HAAO: variants seen among roughly 807,000 people sequenced by gnomAD.
The protein encoded by HAAO is 3-hydroxyanthranilate oxygenase.
HAAO carries 49 observed loss-of-function variants against 46.2 expected under a neutral mutation model. The ratio of observed to expected loss-of-function variants is 1.06; its 90% CI spans 0.84 to 1.34. The LOEUF is 1.34. HAAO is among the 40% of genes most tolerant of loss of function. The pLI, the probability that HAAO is intolerant of heterozygous loss-of-function variation, is 0.00. For missense variants in HAAO, 408 were observed against 364.5 expected, an observed-to-expected ratio of 1.12 and a Z score of -0.97; for synonymous variants, 157 against 145.2, an observed-to-expected ratio of 1.08 and a Z score of -0.58.
At chr2:42,772,062 CTA>C (rs1366761449) in intron 4 of HAAO, among the ~76,000 whole-genome samples, 1 of 152,222 alleles carries the variant, frequency 6.6e-6, no homozygotes, top group Non-Finnish European at 1.5e-5. Context: ...ATCAGACTCA[CTA>C]TATTAAAGTC....
intron 4 of HAAO, among the ~76,000 whole-genome samples, chr2:42,779,852 G>T (rs1558668401): frequency 6.6e-6 from 1 of 152,110 alleles, no homozygotes; most frequent in African/African-American, 2.4e-5. Flanking sequence ...GTTCCCTAAA[G>T]TCCCAAAATG....
chr2:42,771,779 A>G lies in HAAO; in HGVS notation c.351-1197T>C, dbSNP rs912816062. Among the ~76,000 whole-genome samples, 11 of 152,264 alleles carry G rather than the reference A, an allele frequency of 7.2e-5. No homozygotes were observed. The East Asian group carries it at 2.1e-3, about 29-fold the overall frequency. ...CAAGCCCAGCTCCTGGGCCCAGGCC[A>G]GCTCTGTCTGCTCTTAAAAGAGATG... On this transcript the variant is annotated intron_variant, in intron 4 of 9. Transcript: ENST00000294973.
intron 6 of HAAO, 27 bp from the exon 7 acceptor site, chr2:42,769,885 G>A: frequency 1.9e-6 from 3 of 1,587,108 alleles, no homozygotes; most frequent in Non-Finnish European, 2.6e-6. Flanking sequence ...ACTATAGTCG[G>A]TGTCCTCAGG....
intron 1 of HAAO, among the ~76,000 whole-genome samples, chr2:42,790,658 A>T (rs1672726872): frequency 6.6e-6 from 1 of 151,846 alleles, no homozygotes; most frequent in Admixed American, 6.6e-5. Flanking sequence ...CGGCCTCCTG[A>T]GTAGCTGGGA....
At chr2:42,770,417 G>C (rs1416757539) in intron 5 of HAAO, 76 bp downstream of exon 5, 1 of 1,133,808 alleles carries the variant, frequency 8.8e-7, no homozygotes, top group African/African-American at 1.6e-5. Context: ...TGGGAGGGGA[G>C]ACTTTCTCCC....
Position 42,769,766 on chromosome 2 carries a change from C to CCAGGCAT in HAAO, c.576_577insATGCCTG (p.Glu193MetfsTer18), listed in dbSNP as rs1246612598. The CCAGGCAT allele has an allele frequency of 1.2e-6, 2 of 1,613,942 alleles. No individual in the cohort carries two copies. The highest frequency in any genetic ancestry group is 3.3e-5 in the Admixed American group (2 of 59,970). ...CTGAGTGGTGTGCCTGCCTGCAGCT[C>CCAGGCAT]CCTGTGGTGGCTGTCCAGCCAGGCA... On this transcript the variant is annotated frameshift_variant, in exon 7 of 10. Transcript: ENST00000294973. LOFTEE classifies it high-confidence loss of function.
chr2:42,769,631 GA>G, intron 7 of HAAO, 81 bp downstream of exon 7: 1 of 1,108,858 alleles, frequency 9.0e-7, no homozygotes, highest in Non-Finnish European at 1.3e-6. Context: ...GAGAGAGAGA[GA>G]GAGGCAGTGA....
At chr2:42,784,436 G>A (rs1672242377) in intron 2 of HAAO, among the ~76,000 whole-genome samples, 1 of 150,822 alleles carries the variant, frequency 6.6e-6, no homozygotes, top group Non-Finnish European at 1.5e-5. Flanking sequence ...CAAGGGGTGG[G>A]GCTGTGGAGG....
chr2:42,785,389 C>A (rs1247389893), intron 2 of HAAO, among the ~76,000 whole-genome samples: 2 of 152,134 alleles, frequency 1.3e-5, no homozygotes, highest in African/African-American at 4.8e-5. Flanking sequence ...ATGGAAAATG[C>A]TAAAGTTACG....
chr2:42,783,328 C>G lies in HAAO; in HGVS notation c.336G>C (p.Glu112Asp), dbSNP rs757166545. The G allele has an allele frequency of 1.9e-6, 3 of 1,608,970 alleles. No individual in the cohort carries two copies. The highest frequency in any genetic ancestry group is 2.6e-6 in the Non-Finnish European group (3 of 1,176,222). The change falls in exon 4 of 10, where the codon GAG (glutamate) becomes GAC (aspartate). Residue 112 changes from glutamate (E) to aspartate (D), a missense_variant. By Grantham distance (45) the Glu-to-Asp change is conservative. Coordinates refer to ENST00000294973, the MANE Select transcript of HAAO (RefSeq NM_012205.3). ...ACAGAATTTACCTGAGCCCATCTAG[C>G]TCGGTCTCCAGCCGCCTTCGCTCAA... is the stretch of plus-strand genomic sequence containing the variant. ...LVVERRRLET[E>D]LDGLRYYVGD...
At chr2:42,779,629 T>G (rs934468223) in intron 4 of HAAO, among the ~76,000 whole-genome samples, 1 of 152,230 alleles carries the variant, frequency 6.6e-6, no homozygotes, top group Admixed American at 6.5e-5. Context: ...TTCATGCTAT[T>G]TTTATTAGAG....
intron 4 of HAAO, among the ~76,000 whole-genome samples, chr2:42,770,977 T>C (rs1671069584): frequency 6.6e-6 from 1 of 152,234 alleles, no homozygotes; most frequent in Non-Finnish European, 1.5e-5. Flanking sequence ...ATCGCAGTTC[T>C]TTTGTTTTTC....
intron 4 of HAAO, among the ~76,000 whole-genome samples, chr2:42,775,286 G>A (rs965702704): frequency 2.6e-5 from 4 of 151,476 alleles, no homozygotes; most frequent in African/African-American, 9.7e-5. Context: ...CTGGTGGGGG[G>A]AGAAAAAAGG....
intron 2 of HAAO, among the ~76,000 whole-genome samples, chr2:42,785,345 T>G (rs1188441164): frequency 1.3e-5 from 2 of 152,214 alleles, no homozygotes; most frequent in African/African-American, 4.8e-5. Flanking sequence ...CATTAAAAAC[T>G]ACGTTTTTGA....
chr2:42,767,883 C>T lies in HAAO; in HGVS notation c.676G>A (p.Val226Met). 1 of 1,614,092 alleles carries T rather than the reference C, an allele frequency of 6.2e-7. No homozygotes were observed. The highest frequency in any genetic ancestry group is 8.5e-7 in the Non-Finnish European group (1 of 1,179,912). ...QGSSEGLRQN[V>M]DVWLWQLEGS... Reference sequence around the variant, plus strand: ...GCCAGCTGCCACAGCCACACGTCCACATTCTGTCTCAGGCCTTCGCTGCTG... The same window carrying T: ...GCCAGCTGCCACAGCCACACGTCCATATTCTGTCTCAGGCCTTCGCTGCTG... Residue 226 changes from valine to methionine, a missense_variant, in exon 8 of 10, where the codon GTG becomes ATG. Physicochemically the swap from Val to Met is conservative, Grantham distance 21. Coordinates refer to ENST00000294973, the MANE Select transcript of HAAO (RefSeq NM_012205.3).
chr2:42,788,718 G>A (rs1672571127), intron 1 of HAAO, 111 bp from the exon 2 acceptor site: 1 of 750,532 alleles, frequency 1.3e-6, no homozygotes, highest in South Asian at 1.4e-5. Context: ...AGAGGAGCAG[G>A]GCTGTTTTGG....
At chr2:42,788,280 G>C (rs528738183) in intron 2 of HAAO, among the ~76,000 whole-genome samples, 3 of 152,116 alleles carry the variant, frequency 2.0e-5, no homozygotes, top group African/African-American at 4.8e-5. Context: ...CCTCTCACCC[G>C]CAGGGCATGG....
intron 1 of HAAO, among the ~76,000 whole-genome samples, chr2:42,789,503 A>T (rs376986135): frequency 2.6e-5 from 4 of 152,298 alleles, no homozygotes; most frequent in African/African-American, 9.6e-5. Flanking sequence ...CTGAGAGGTG[A>T]GGTTGCAGTG....
chr2:42,772,260 C>A (rs181234003), intron 4 of HAAO, among the ~76,000 whole-genome samples: 80 of 152,202 alleles, frequency 5.3e-4, no homozygotes, highest in Non-Finnish European at 9.0e-4. Context: ...GTGGGTGGAT[C>A]ACCTGAGGTT....
Sources: allele counts gnomAD v4.1 joint callset (sites outside exome capture counted in the v4.1 genomes callset), GRCh38; gene constraint gnomAD v4.1.1; transcripts MANE v1.5; gene names NCBI Gene and HGNC (gene_info 2026-07-23, HGNC 2026-07-21).